Variants in DLGAP1 observed in about 807,000 individuals in gnomAD.
DLGAP1 encodes disks large-associated protein 1.
In DLGAP1, 11 loss-of-function variants were observed where a neutral mutation model predicts 90.8. That is an observed-to-expected ratio of 0.12 (90% CI 0.08 to 0.20). The LOEUF is 0.20. Ranked by LOEUF, DLGAP1 falls within the 10% of genes least tolerant of loss-of-function variation. The pLI, the probability that DLGAP1 is intolerant of heterozygous loss-of-function variation, is 1.00. For synonymous variants in DLGAP1, 558 were observed against 540.7 expected (o/e 1.03, Z -0.44); for missense variants, 1,050 against 1,333.8 (o/e 0.79, Z 3.31).
chr18:4,264,210 G>C (rs1167325203), intron 1 of DLGAP1, among the ~76,000 whole-genome samples: 1 of 152,138 alleles, frequency 6.6e-6, no homozygotes, highest in East Asian at 1.9e-4. Flanking sequence ...AAATAGAGAG[G>C]GAAAGAGAAG....
chr18:3,638,520 G>C (rs975665546), intron 7 of DLGAP1, among the ~76,000 whole-genome samples: 4 of 152,108 alleles, frequency 2.6e-5, no homozygotes, highest in Non-Finnish European at 5.9e-5. Context: ...CAAACTGTTG[G>C]GATTACAGGT....
At chr18:4,064,022 C>T (rs2143341660) in intron 2 of DLGAP1, among the ~76,000 whole-genome samples, 1 of 152,200 alleles carries the variant, frequency 6.6e-6, no homozygotes, top group East Asian at 1.9e-4. Flanking sequence ...GTTTCACCCA[C>T]CTGGCATGTC....
intron 3 of DLGAP1, among the ~76,000 whole-genome samples, chr18:3,973,659 C>A (rs1319916775): frequency 1.3e-5 from 2 of 152,060 alleles, no homozygotes; most frequent in African/African-American, 4.8e-5. Context: ...AAATTGCCTG[C>A]CAATTTTTTT....
At chr18:4,328,987 G>C (rs969228873) in intron 1 of DLGAP1, among the ~76,000 whole-genome samples, 4 of 151,688 alleles carry the variant, frequency 2.6e-5, no homozygotes, top group East Asian at 1.9e-4. Flanking sequence ...GTCTGTAGCT[G>C]GTCTTTTAAT....
chr18:4,076,199 ATATTT>A (rs763087900), intron 2 of DLGAP1, among the ~76,000 whole-genome samples: 3 of 152,218 alleles, frequency 2.0e-5, no homozygotes, highest in Non-Finnish European at 2.9e-5. Context: ...AACACACCAT[ATATTT>A]TATTTAAAAA....
intron 7 of DLGAP1, chr18:3,594,409 C>T (rs1001493537): frequency 1.5e-4 from 22 of 145,562 alleles, no homozygotes; most frequent in Non-Finnish European, 6.0e-5. Flanking sequence ...GCGGGCAGTC[C>T]TACTCTCTAG....
At chr18:3,650,390 A>G in intron 7 of DLGAP1, among the ~76,000 whole-genome samples, 1 of 152,152 alleles carries the variant, frequency 6.6e-6, no homozygotes, top group East Asian at 1.9e-4. Flanking sequence ...TGCAGAGGCT[A>G]AGGCAGGAGG....
At chr18:4,306,033 TAC>T (rs3041181) in intron 1 of DLGAP1, among the ~76,000 whole-genome samples, 4,441 of 142,126 alleles carry the variant, frequency 0.031, 223 homozygotes, top group African/African-American at 0.11. Flanking sequence ...CACACACAAA[TAC>T]ACACACACAC....
At chr18:3,987,181 G>A (rs971165385) in intron 3 of DLGAP1, among the ~76,000 whole-genome samples, 1 of 152,180 alleles carries the variant, frequency 6.6e-6, no homozygotes, top group African/African-American at 2.4e-5. Flanking sequence ...ATGGTAGAGT[G>A]CCTTGGCTTA....
chr18:4,223,409 C>A (rs1202579698), intron 1 of DLGAP1, among the ~76,000 whole-genome samples: 1 of 152,094 alleles, frequency 6.6e-6, no homozygotes, highest in Non-Finnish European at 1.5e-5. Flanking sequence ...GTGTGTTAGT[C>A]TACAATTATG....
At chr18:4,221,824 T>C (rs2078083774) in intron 1 of DLGAP1, among the ~76,000 whole-genome samples, 1 of 152,196 alleles carries the variant, frequency 6.6e-6, no homozygotes, top group African/African-American at 2.4e-5. Context: ...GGGTTATCTC[T>C]TCGCATTTAC....
chr18:4,014,347 C>T (rs901844441), intron 2 of DLGAP1, among the ~76,000 whole-genome samples: 5 of 152,030 alleles, frequency 3.3e-5, no homozygotes, highest in Admixed American at 2.6e-4. Flanking sequence ...CCTACTTAGC[C>T]AACTTTTAAG....
intron 7 of DLGAP1, among the ~76,000 whole-genome samples, chr18:3,590,998 T>C (rs1474145589): frequency 6.6e-6 from 1 of 152,234 alleles, no homozygotes; most frequent in Non-Finnish European, 1.5e-5. Context: ...GTTTGTTTTT[T>C]GTATGTCTTA....
chr18:4,270,574 T>C (rs1350489062), intron 1 of DLGAP1, among the ~76,000 whole-genome samples: 1 of 152,212 alleles, frequency 6.6e-6, no homozygotes, highest in East Asian at 1.9e-4. Context: ...ATGTTTGGAA[T>C]ATATTTTTCT....
chr18:3,635,251 C>T (rs930527877), intron 7 of DLGAP1, among the ~76,000 whole-genome samples: 4 of 152,048 alleles, frequency 2.6e-5, no homozygotes, highest in African/African-American at 9.7e-5. Context: ...CTGCCTCAGC[C>T]TCCCGAGTAG....
At chr18:4,390,895 A>G (rs546019421) in intron 1 of DLGAP1, among the ~76,000 whole-genome samples, 1 of 152,046 alleles carries the variant, frequency 6.6e-6, no homozygotes, top group Non-Finnish European at 1.5e-5. Context: ...TTTGCCTCTG[A>G]CCTGTAACTG....
At chr18:4,005,512 T>C (rs535683911) in intron 2 of DLGAP1, among the ~76,000 whole-genome samples, 1 of 152,368 alleles carries the variant, frequency 6.6e-6, no homozygotes, top group South Asian at 2.1e-4. Flanking sequence ...AGTTCAATTA[T>C]TTATTCAACA....
chr18:3,525,100 A>C (rs2051523585), intron 10 of DLGAP1, among the ~76,000 whole-genome samples: 3 of 139,388 alleles, frequency 2.2e-5, no homozygotes, highest in African/African-American at 7.9e-5. Flanking sequence ...GAAAAAAAAA[A>C]AAATCAACAA....
chr18:3,863,067 G>A (rs368301997), intron 4 of DLGAP1, among the ~76,000 whole-genome samples: 19 of 152,356 alleles, frequency 1.2e-4, no homozygotes, highest in African/African-American at 3.8e-4. Flanking sequence ...CTGTGATGAC[G>A]GAAATGTTGA....
Sources: gnomAD v4.1 joint callset for allele counts (sites outside exome capture counted in the v4.1 genomes callset) on GRCh38, gnomAD v4.1.1 for gene constraint, MANE v1.5 for transcripts, NCBI Gene and HGNC (gene_info 2026-07-23, HGNC 2026-07-21) for gene names.